MRTFA: variants seen among roughly 807,000 people sequenced by gnomAD.
The protein encoded by MRTFA is myocardin-related transcription factor A.
MRTFA carries 20 observed loss-of-function variants against 83.5 expected under a neutral mutation model. The observed-to-expected ratio is 0.24, with a 90% CI of 0.17 to 0.35. MRTFA has a LOEUF of 0.35. MRTFA is among the 10% of genes least tolerant of loss of function. MRTFA has a pLI of 1.00. For missense variants in MRTFA, 1,200 were observed against 1,224.7 expected (o/e 0.98, Z 0.30); for synonymous variants, 659 against 541.2 (o/e 1.22, Z -3.02).
chr22:40,435,485 A>G lies in MRTFA; in HGVS notation c.363+14T>C, dbSNP rs2053150569. On this transcript the variant is annotated intron_variant, in intron 5 of 14. Transcript: ENST00000355630. ...GCTCTTTGGGAGTTCTGAGGGGGAAAAAAGGTACCTTACCCTGGCCCGCTC... is the reference window on the plus strand; with the variant it reads ...GCTCTTTGGGAGTTCTGAGGGGGAAGAAAGGTACCTTACCCTGGCCCGCTC... 5 of 1,614,062 alleles carry G rather than the reference A, an allele frequency of 3.1e-6. No individual in the cohort carries two copies. In the African/African-American group the frequency reaches 5.3e-5, roughly 17 times the overall value.
intron 4 of MRTFA, among the ~76,000 whole-genome samples, chr22:40,437,162 T>C (rs555964120): frequency 4.6e-5 from 7 of 152,264 alleles, no homozygotes; most frequent in Admixed American, 4.6e-4. Flanking sequence ...CCAACCTACC[T>C]GGGCACTATC....
intron 1 of MRTFA, among the ~76,000 whole-genome samples, chr22:40,597,802 T>C (rs2056211589): frequency 6.6e-6 from 1 of 152,198 alleles, no homozygotes; most frequent in Non-Finnish European, 1.5e-5. Context: ...ATTTTGAAAG[T>C]CTGTGCTATT....
intron 2 of MRTFA, among the ~76,000 whole-genome samples, chr22:40,583,775 G>C (rs748365157): frequency 1.3e-5 from 2 of 152,186 alleles, no homozygotes; most frequent in Non-Finnish European, 2.9e-5. Flanking sequence ...AGGTGGAAGA[G>C]CTTCATCCCA....
chr22:40,487,615 C>G (rs1472610291), intron 3 of MRTFA, among the ~76,000 whole-genome samples: 5 of 152,220 alleles, frequency 3.3e-5, no homozygotes, highest in Admixed American at 3.3e-4. Flanking sequence ...TCAGATGTAC[C>G]AAGTTTCTTC....
intron 6 of MRTFA, among the ~76,000 whole-genome samples, chr22:40,430,140 A>G (rs1365423734): frequency 6.6e-6 from 1 of 152,184 alleles, no homozygotes; most frequent in Non-Finnish European, 1.5e-5. Context: ...CTTTGTCTGC[A>G]AAATGTGAGA....
At chr22:40,588,803 G>T (rs1018609404) in intron 2 of MRTFA, among the ~76,000 whole-genome samples, 1 of 152,130 alleles carries the variant, frequency 6.6e-6, no homozygotes, top group African/African-American at 2.4e-5. Flanking sequence ...GAAACATGGC[G>T]AGACTCCATC....
At chr22:40,528,717 A>AT (rs1302789354) in intron 3 of MRTFA, among the ~76,000 whole-genome samples, 4 of 149,902 alleles carry the variant, frequency 2.7e-5, no homozygotes, top group Admixed American at 6.7e-5. Flanking sequence ...AGACTGGGCA[A>AT]TAAGAGTGAA....
chr22:40,463,222 C>G lies in MRTFA; in HGVS notation c.306G>C (p.Pro102=), dbSNP rs868096885. 8 of 1,613,672 alleles carry G rather than the reference C, an allele frequency of 5.0e-6. No homozygotes were observed. Among genetic ancestry groups the G allele is most frequent in the Non-Finnish European group, 4.2e-6 (5 of 1,179,770 alleles). Residue 102 remains proline, a splice_region_variant and synonymous_variant, in exon 4 of 15, where the codon CCG becomes CCC. Transcript: ENST00000355630. ...ATGCTGAGAGAGAGAGGCACTTACG[C>G]GGCATGATCCCTTGGCTCACCAGTT...
intron 5 of MRTFA, among the ~76,000 whole-genome samples, 172 bp downstream of exon 5, chr22:40,435,327 T>C (rs1404776751): frequency 6.6e-6 from 1 of 151,974 alleles, no homozygotes; most frequent in Non-Finnish European, 1.5e-5. Context: ...AGGGATGAAG[T>C]AGGAGAAGCA....
chr22:40,502,777 C>T (rs946929324), intron 3 of MRTFA, among the ~76,000 whole-genome samples: 2 of 152,062 alleles, frequency 1.3e-5, no homozygotes, highest in Admixed American at 6.5e-5. Flanking sequence ...CGCTCGCCGG[C>T]GCGGCGGCAA....
intron 1 of MRTFA, among the ~76,000 whole-genome samples, chr22:40,604,291 T>C (rs944075338): frequency 2.0e-5 from 3 of 151,636 alleles, no homozygotes; most frequent in Admixed American, 2.0e-4. Flanking sequence ...CCACCACACC[T>C]GACTAATTTT....
At chr22:40,427,220 A>C (rs2052973029) in intron 7 of MRTFA, among the ~76,000 whole-genome samples, 1 of 152,204 alleles carries the variant, frequency 6.6e-6, no homozygotes, top group African/African-American at 2.4e-5. Context: ...GCTGCTGAGG[A>C]ATACACGGAG....
chr22:40,435,443 C>T (rs903387721), intron 5 of MRTFA, 56 bp downstream of exon 5: 2 of 1,545,010 alleles, frequency 1.3e-6, no homozygotes, highest in African/African-American at 2.7e-5. Context: ...ACCAGCAATG[C>T]AATGAGCTCT....
At chr22:40,434,716 C>T (rs998444555) in intron 5 of MRTFA, among the ~76,000 whole-genome samples, 1 of 152,028 alleles carries the variant, frequency 6.6e-6, no homozygotes, top group Non-Finnish European at 1.5e-5. Flanking sequence ...AGTGAGACTC[C>T]GTCTCAAAAA....
intron 1 of MRTFA, among the ~76,000 whole-genome samples, chr22:40,615,815 G>C (rs762715500): frequency 6.6e-6 from 1 of 151,708 alleles, no homozygotes; most frequent in Non-Finnish European, 1.5e-5. Flanking sequence ...CTCCCGAGTA[G>C]CTGGAATTAC....
intron 1 of MRTFA, among the ~76,000 whole-genome samples, chr22:40,597,454 T>C (rs1416472474): frequency 6.6e-6 from 1 of 152,202 alleles, no homozygotes; most frequent in African/African-American, 2.4e-5. Flanking sequence ...CAGTTGATAA[T>C]TTAAATATTA....
intron 2 of MRTFA, chr22:40,569,772 CAT>C (rs2055762217): frequency 9.0e-6 from 1 of 111,260 alleles, no homozygotes; most frequent in Non-Finnish European, 2.0e-5. Context: ...TACATACATA[CAT>C]ACATCAAGGG....
In MRTFA at chr22:40,411,509, G is replaced by A. The variant is rs932378208; in HGVS notation, c.2977C>T (p.Leu993=). The A allele has an allele frequency of 6.2e-7, 1 of 1,612,386 alleles. No homozygotes were observed. Among genetic ancestry groups the A allele is most frequent in the South Asian group, 1.1e-5 (1 of 90,996 alleles). Residue 993 remains leucine (L), a synonymous_variant, in exon 15 of 15, where the codon CTG becomes TTG. Transcript: ENST00000355630. ...CTCAGCACGGGACCACCTGACGACA[G>A]CTCCAGCCAGTCCATGCTGTCCAGG...
At chr22:40,412,002 T>C (rs1268876107) in intron 14 of MRTFA, 95 bp from the exon 15 acceptor site, 1 of 1,087,268 alleles carries the variant, frequency 9.2e-7, no homozygotes, top group Admixed American at 2.9e-5. Flanking sequence ...CGTCACACCA[T>C]TTACAAAAAT....
Sources: gnomAD v4.1 joint callset for allele counts (sites outside exome capture counted in the v4.1 genomes callset) on GRCh38, gnomAD v4.1.1 for gene constraint, MANE v1.5 for transcripts, NCBI Gene and HGNC (gene_info 2026-07-23, HGNC 2026-07-21) for gene names.